CDC5L: variants seen among roughly 807,000 people sequenced by gnomAD.
CDC5L encodes cell division cycle 5 like, also known as cell division cycle 5-like protein.
In CDC5L, 18 loss-of-function variants were observed where a neutral mutation model predicts 104.1. The ratio of observed to expected loss-of-function variants is 0.17; its 90% CI spans 0.12 to 0.26. CDC5L has a LOEUF of 0.26. Ranked by LOEUF, CDC5L falls within the 10% of genes least tolerant of loss-of-function variation. CDC5L has a pLI of 1.00. For synonymous variants in CDC5L, 331 were observed against 322.7 expected, an observed-to-expected ratio of 1.03 and a Z score of -0.28; for missense variants, 673 against 956.9, an observed-to-expected ratio of 0.70 and a Z score of 3.91.
intron 14 of CDC5L, among the ~76,000 whole-genome samples, chr6:44,435,938 C>T (rs1031407382): frequency 1.2e-4 from 18 of 152,062 alleles, no homozygotes; most frequent in Middle Eastern, 3.4e-3. Flanking sequence ...CCTGCCACCA[C>T]GCTCGGCTAA....
intron 14 of CDC5L, among the ~76,000 whole-genome samples, chr6:44,444,319 T>G (rs1038394178): frequency 3.9e-5 from 6 of 152,212 alleles, no homozygotes; most frequent in African/African-American, 1.4e-4. Context: ...TTCTGTGGTT[T>G]AGGGAGATTC....
In CDC5L at chr6:44,446,596, TTTTC is replaced by T. The variant is rs1220502512; in HGVS notation, c.2305-7_2305-4del. ...ACATCTAAAATAATTACTTAATTTT[TTTTC>T]TTTAAGTGTCTAAAAGAAGACGTTC... On this transcript the variant is annotated splice_region_variant and splice_polypyrimidine_tract_variant and intron_variant, in intron 15 of 15. Coordinates refer to ENST00000371477, the MANE Select transcript of CDC5L (RefSeq NM_001253.4). The T allele has an allele frequency of 7.2e-7, 1 of 1,383,898 alleles. No homozygotes were observed. Among genetic ancestry groups the T allele is most frequent in the South Asian group, 1.3e-5 (1 of 77,470 alleles). The allele number at this position is 1,383,898 out of a possible 1,614,324, so 85.7% of individuals were successfully genotyped here. A position where few individuals can be genotyped will look rare whatever the true frequency, so the allele number is the denominator to read the frequency against.
intron 8 of CDC5L, among the ~76,000 whole-genome samples, chr6:44,408,864 C>G (rs1371201270): frequency 6.6e-6 from 1 of 152,144 alleles, no homozygotes; most frequent in Admixed American, 6.5e-5. Flanking sequence ...GAAGCCAGCC[C>G]TTCTACCTTC....
In CDC5L at chr6:44,450,202, CTAAAG is replaced by C. The variant is rs1362883020; in HGVS notation, c.*3496_*3500del. 3 of 152,092 alleles carry C rather than the reference CTAAAG, an allele frequency of 2.0e-5. No homozygotes were observed. Among genetic ancestry groups the C allele is most frequent in the African/African-American group, 7.2e-5 (3 of 41,402 alleles). The allele number at this position is 152,092 out of a possible 1,614,324, so 9.4% of individuals were successfully genotyped here. On this transcript the variant is annotated 3_prime_UTR_variant, in exon 16 of 16. Transcript: ENST00000371477. ...TTGATATTGGGATTTTGCTAGCTCT[CTAAAG>C]TAAATAGGATAACTGTATATCTTTT...
rs1178739627 is a variant in CDC5L at position 44,393,368 on chromosome 6, C to T, written c.312-78C>T. 13 of 1,361,960 alleles carry T rather than the reference C, an allele frequency of 9.5e-6. No individual in the cohort carries two copies. In the Admixed American group the frequency reaches 1.3e-4, roughly 14 times the overall value. 84.4% of individuals were successfully genotyped at this position (1,361,960 alleles called of 1,614,324 possible). Reference sequence around the variant, plus strand: ...TTGGTTTTTTTGGGGGGAAAAATATCGTCAGAACTTGGAAATCTGGTAATT... The same window carrying T: ...TTGGTTTTTTTGGGGGGAAAAATATTGTCAGAACTTGGAAATCTGGTAATT... On this transcript the variant is annotated intron_variant, in intron 3 of 15. Transcript: ENST00000371477.
In CDC5L at chr6:44,441,929, G is replaced by GTTT. The variant is rs1185055855; in HGVS notation, c.2092-3724_2092-3723insTTT. On this transcript the variant is annotated intron_variant, in intron 14 of 15. Transcript: ENST00000371477. ...TAATCCCAGCACTTTGTAAGGTCTT[G>GTTT]TTCTTTTTTTTTTTTTTTTTTTTTT... Among the ~76,000 whole-genome samples the GTTT allele has an allele frequency of 5.9e-3, 653 of 110,480 alleles. 7 individuals are homozygous for GTTT. The highest frequency in any genetic ancestry group is 0.016 in the Middle Eastern group (3 of 184). 72.5% of individuals were successfully genotyped at this position (110,480 alleles called of 152,430 possible). A position where few individuals can be genotyped will look rare whatever the true frequency, so the allele number is the denominator to read the frequency against.
chr6:44,388,047 A>G (rs1470058629), intron 1 of CDC5L, among the ~76,000 whole-genome samples, 179 bp downstream of exon 1: 1 of 151,840 alleles, frequency 6.6e-6, no homozygotes, highest in Non-Finnish European at 1.5e-5. Context: ...GAGCGCCAGT[A>G]GGACAGGGAC....
intron 5 of CDC5L, among the ~76,000 whole-genome samples, chr6:44,400,880 G>A (rs1170915372): frequency 2.0e-5 from 3 of 152,180 alleles, no homozygotes; most frequent in East Asian, 1.9e-4. Flanking sequence ...TGGGGCATAA[G>A]TTGCACTACA....
rs571743027 is a variant in CDC5L, at chr6:44,422,771, A to C, written c.1366A>C (p.Met456Leu). ...DKLNINPEDG[M>L]ADYSDPSYVK... ...GTTAAACATTAATCCCGAGGATGGA[A>C]TGGCAGACTATAGTGATCCCTCTTA... The change falls in exon 10 of 16, where the codon ATG (methionine) becomes CTG (leucine). Residue 456 changes from methionine to leucine, a missense_variant. Met to Leu is a conservative substitution (Grantham distance 15). This residue lies in a region of CDC5L where 578 missense variants were observed against 737.0 expected (regional missense o/e 0.78). Transcript: ENST00000371477. 64 of 1,612,938 alleles carry C rather than the reference A, an allele frequency of 4.0e-5. No homozygotes were observed. In the South Asian group the frequency reaches 6.3e-4, roughly 16 times the overall value.
intron 1 of CDC5L, 126 bp from the exon 2 acceptor site, chr6:44,390,142 C>T: frequency 1.3e-5 from 8 of 613,636 alleles, no homozygotes; most frequent in South Asian, 4.0e-5. Flanking sequence ...GTCTTTTAAC[C>T]TAGGTGGTGT....
chr6:44,447,397 G>T lies in CDC5L; in HGVS notation c.*686G>T, dbSNP rs181400818. ...TTCTTATAAGTATTTTTTGACAAAGGCATTTTAAAAGTTAATTTCAAGAAG... is the reference window on the plus strand; with the variant it reads ...TTCTTATAAGTATTTTTTGACAAAGTCATTTTAAAAGTTAATTTCAAGAAG... On this transcript the variant is annotated 3_prime_UTR_variant, in exon 16 of 16. Coordinates refer to ENST00000371477, the MANE Select transcript of CDC5L (RefSeq NM_001253.4). The T allele has an allele frequency of 6.6e-6, 1 of 152,048 alleles. No individual in the cohort carries two copies. The highest frequency in any genetic ancestry group is 1.5e-5 in the Non-Finnish European group (1 of 67,992). 9.4% of individuals were successfully genotyped at this position (152,048 alleles called of 1,614,324 possible). A position where few individuals can be genotyped will look rare whatever the true frequency, so the allele number is the denominator to read the frequency against.
At position 44,429,772 on chromosome 6, in the gene CDC5L, G is replaced by A. The variant is rs1330277286; in HGVS notation, c.1953G>A (p.Glu651=). The change falls in exon 14 of 16, where the codon GAG becomes GAA. Residue 651 remains glutamate, a synonymous_variant. Transcript: ENST00000371477. ...TTAAACAAGGAATGAGCCATGGAGA[G>A]CTCTCAAGTGAAGCTTATAACCAGG... ...EVVKQGMSHG[E]LSSEAYNQVW... 3.1e-6 allele frequency: 5 copies of A among 1,614,130 alleles called. No homozygotes were observed. In the South Asian group the frequency reaches 4.4e-5, roughly 14 times the overall value.
At chr6:44,441,985 G>A (rs1263256575) in intron 14 of CDC5L, among the ~76,000 whole-genome samples, 1 of 138,242 alleles carries the variant, frequency 7.2e-6, no homozygotes, top group Non-Finnish European at 1.5e-5. Flanking sequence ...TCGCCAGGCT[G>A]GAGTGCAGTG....
intron 10 of CDC5L, among the ~76,000 whole-genome samples, chr6:44,423,102 T>C: frequency 6.6e-6 from 1 of 152,242 alleles, no homozygotes; most frequent in East Asian, 1.9e-4. Flanking sequence ...TAAGTTTTGC[T>C]TCTGCCCGTG....
At chr6:44,411,629 A>T (rs374589487) in intron 8 of CDC5L, among the ~76,000 whole-genome samples, 15 of 4,670 alleles carry the variant, frequency 3.2e-3, no homozygotes, top group Non-Finnish European at 6.1e-3. Context: ...AGAGAGAGAG[A>T]GAGAGAGAGT....
At chr6:44,422,943 AT>A in intron 10 of CDC5L, 134 bp downstream of exon 10, 1 of 473,314 alleles carries the variant, frequency 2.1e-6, no homozygotes, top group Non-Finnish European at 3.6e-6. Flanking sequence ...CAGAAAAAGA[AT>A]TATTTGTAAG....
At position 44,424,443 on chromosome 6, in the gene CDC5L, C is replaced by T. The variant is rs766366590; in HGVS notation, c.1429C>T (p.Arg477Cys). Reference protein sequence around the residue: ...QMERESREHLRLGLLGLPAPK... With the variant: ...QMERESREHLCLGLLGLPAPK... Reference sequence around the variant, plus strand: ...GGAAAGAGAATCCCGAGAACATCTCCGTTTAGGGTTGTTGGGCCTTCCTGC... The same window carrying T: ...GGAAAGAGAATCCCGAGAACATCTCTGTTTAGGGTTGTTGGGCCTTCCTGC... The change falls in exon 11 of 16, where the codon CGT (arginine) becomes TGT (cysteine). Residue 477 changes from arginine to cysteine, a missense_variant. Transcript: ENST00000371477. 9.3e-6 allele frequency: 15 copies of T among 1,613,398 alleles called. No individual in the cohort carries two copies. Among genetic ancestry groups the T allele is most frequent in the Admixed American group, 1.7e-5 (1 of 59,930 alleles).
chr6:44,430,347 T>A (rs1446537277), intron 14 of CDC5L, among the ~76,000 whole-genome samples: 12 of 151,248 alleles, frequency 7.9e-5, no homozygotes, highest in Non-Finnish European at 1.6e-4. Context: ...ATTCTGTTCA[T>A]CCTTGGATTA....
At chr6:44,434,851 T>C (rs1305516065) in intron 14 of CDC5L, among the ~76,000 whole-genome samples, 3 of 152,238 alleles carry the variant, frequency 2.0e-5, no homozygotes, top group East Asian at 1.9e-4. Context: ...GAAACACTTA[T>C]GGTTCCACTG....
Sources: allele counts gnomAD v4.1 joint callset (sites outside exome capture counted in the v4.1 genomes callset), GRCh38; gene constraint gnomAD v4.1.1; regional missense constraint gnomAD v4.1.1; transcripts MANE v1.5; gene names NCBI Gene and HGNC (gene_info 2026-07-23, HGNC 2026-07-21).